MAGI2: variants seen among roughly 807,000 people sequenced by gnomAD.
The protein encoded by MAGI2 is membrane-associated guanylate kinase, WW and PDZ domain-containing protein 2.
A neutral mutation model predicts 133.3 loss-of-function variants in MAGI2; 35 were observed. The ratio of observed to expected loss-of-function variants is 0.26; its 90% CI spans 0.20 to 0.35. MAGI2 has a LOEUF of 0.35. MAGI2 is among the 10% of genes least tolerant of loss of function. The pLI is 1.00. For synonymous variants in MAGI2, 729 were observed against 710.6 expected (o/e 1.03, Z -0.41); for missense variants, 1,636 against 1,863.4 (o/e 0.88, Z 2.25).
At chr7:79,388,578 A>T (rs575093434) in intron 1 of MAGI2, among the ~76,000 whole-genome samples, 1 of 151,896 alleles carries the variant, frequency 6.6e-6, no homozygotes, top group South Asian at 2.1e-4. Context: ...AAATGTAATT[A>T]AAATTATTTT....
At chr7:78,185,779 C>A in intron 12 of MAGI2, 109 bp from the exon 13 acceptor site, 1 of 756,280 alleles carries the variant, frequency 1.3e-6, no homozygotes, top group South Asian at 2.6e-5. Context: ...CAATCTCATA[C>A]TTATGTTTAA....
chr7:78,385,190 T>C (rs925134113), intron 6 of MAGI2, among the ~76,000 whole-genome samples: 15 of 152,140 alleles, frequency 9.9e-5, no homozygotes, highest in Admixed American at 8.5e-4. Flanking sequence ...TAAAAACGGA[T>C]GCATGCAAAG....
chr7:78,203,072 T>C (rs950984253), intron 10 of MAGI2, among the ~76,000 whole-genome samples: 2 of 152,230 alleles, frequency 1.3e-5, no homozygotes, highest in African/African-American at 4.8e-5. Context: ...AAGTATAAAA[T>C]TTATTTGCTG....
chr7:78,523,688 TTATAAAAC>T (rs1259831353), intron 3 of MAGI2, among the ~76,000 whole-genome samples: 1 of 151,916 alleles, frequency 6.6e-6, no homozygotes, highest in African/African-American at 2.4e-5. Flanking sequence ...TACCAAATAC[TTATAAAAC>T]TATCAGATCT....
At chr7:79,055,741 C>T (rs1222112156) in intron 1 of MAGI2, among the ~76,000 whole-genome samples, 2 of 152,112 alleles carry the variant, frequency 1.3e-5, no homozygotes, top group Non-Finnish European at 1.5e-5. Context: ...GAACTTAGAG[C>T]TTGTTTTTAT....
intron 1 of MAGI2, among the ~76,000 whole-genome samples, chr7:79,321,706 G>A (rs563353736): frequency 6.6e-6 from 1 of 152,238 alleles, no homozygotes; most frequent in South Asian, 2.1e-4. Flanking sequence ...AGTGTTGTTG[G>A]AGACTAGAAC....
chr7:78,935,429 T>C (rs947022390), intron 2 of MAGI2, among the ~76,000 whole-genome samples: 7 of 152,136 alleles, frequency 4.6e-5, no homozygotes, highest in Non-Finnish European at 8.8e-5. Flanking sequence ...AAGACACTAG[T>C]TTCCCACCTC....
chr7:78,506,952 A>T (rs1795142484), intron 4 of MAGI2, among the ~76,000 whole-genome samples: 1 of 152,248 alleles, frequency 6.6e-6, no homozygotes, highest in South Asian at 2.1e-4. Flanking sequence ...GGAGAAATCT[A>T]TAATCATATT....
At chr7:79,071,213 A>T (rs1814927732) in intron 1 of MAGI2, among the ~76,000 whole-genome samples, 1 of 152,168 alleles carries the variant, frequency 6.6e-6, no homozygotes, top group African/African-American at 2.4e-5. Flanking sequence ...GCTGTTCTGC[A>T]GGTCTGCTGG....
intron 2 of MAGI2, among the ~76,000 whole-genome samples, chr7:78,714,674 G>A (rs1819533769): frequency 6.6e-6 from 1 of 152,132 alleles, no homozygotes; most frequent in African/African-American, 2.4e-5. Context: ...TGCACTGTCA[G>A]CAAATAGCCC....
intron 1 of MAGI2, among the ~76,000 whole-genome samples, chr7:79,159,885 AT>A (rs1333770258): frequency 1.3e-5 from 2 of 152,050 alleles, no homozygotes; most frequent in African/African-American, 4.8e-5. Context: ...TTTATTCTGC[AT>A]GCTGTTATAT....
chr7:79,159,789 T>C (rs1451996690), intron 1 of MAGI2, among the ~76,000 whole-genome samples: 6 of 152,106 alleles, frequency 3.9e-5, no homozygotes, highest in African/African-American at 1.4e-4. Context: ...CACTTTTTGT[T>C]GGCTCCTATA....
At chr7:78,753,670 A>T (rs1366526103) in intron 2 of MAGI2, among the ~76,000 whole-genome samples, 1 of 152,094 alleles carries the variant, frequency 6.6e-6, no homozygotes, top group East Asian at 1.9e-4. Flanking sequence ...ACAACTAGTT[A>T]CGGATTTCTT....
At chr7:78,223,303 A>G (rs1052174913) in intron 10 of MAGI2, among the ~76,000 whole-genome samples, 2 of 151,932 alleles carry the variant, frequency 1.3e-5, no homozygotes, top group African/African-American at 4.8e-5. Context: ...AATGCTCTCC[A>G]CTTTTAAGAG....
At chr7:78,275,084 C>T (rs1247234056) in intron 9 of MAGI2, among the ~76,000 whole-genome samples, 1 of 152,168 alleles carries the variant, frequency 6.6e-6, no homozygotes, top group African/African-American at 2.4e-5. Flanking sequence ...GGGTAGGCAC[C>T]AGAGGGAATC....
At chr7:79,025,059 T>C (rs964150247) in intron 1 of MAGI2, among the ~76,000 whole-genome samples, 1 of 152,122 alleles carries the variant, frequency 6.6e-6, no homozygotes, top group African/African-American at 2.4e-5. Context: ...TATGCATATG[T>C]TTATCACAGC....
intron 1 of MAGI2, among the ~76,000 whole-genome samples, chr7:79,032,519 GAAAAA>G (rs34049134): frequency 8.5e-6 from 1 of 118,214 alleles, no homozygotes. Flanking sequence ...CTCTGACTCA[GAAAAA>G]AAAAAAAAAA....
chr7:78,812,219 G>T (rs1272692698), intron 2 of MAGI2, among the ~76,000 whole-genome samples: 1 of 152,078 alleles, frequency 6.6e-6, no homozygotes, highest in Non-Finnish European at 1.5e-5. Flanking sequence ...AGACCTGTAA[G>T]ATAAAAAAAT....
At chr7:78,573,376 A>T (rs1801921613) in intron 3 of MAGI2, among the ~76,000 whole-genome samples, 1 of 15,276 alleles carries the variant, frequency 6.5e-5, no homozygotes, top group African/African-American at 1.7e-4. Context: ...ATATATATAT[A>T]TATATATATA....
Sources: allele counts gnomAD v4.1 joint callset (sites outside exome capture counted in the v4.1 genomes callset), GRCh38; gene constraint gnomAD v4.1.1; transcripts MANE v1.5; gene names NCBI Gene and HGNC (gene_info 2026-07-23, HGNC 2026-07-21).